Variants in STAU1 observed in about 807,000 individuals in gnomAD.
STAU1 encodes the protein staufen double-stranded RNA binding protein 1.
Under a neutral mutation model 62.9 loss-of-function variants are expected in STAU1, and 13 were observed. The observed-to-expected ratio is 0.21, with a 90% CI of 0.13 to 0.33. STAU1 has a LOEUF of 0.33. Among genes scored for constraint, STAU1 ranks in the 10% least tolerant of loss-of-function variants. The pLI, the probability that STAU1 is intolerant of heterozygous loss-of-function variation, is 1.00. For missense variants in STAU1, 571 were observed against 712.1 expected, an observed-to-expected ratio of 0.80 and a Z score of 2.25; for synonymous variants, 269 against 265.1, an observed-to-expected ratio of 1.01 and a Z score of -0.14.
intron 2 of STAU1, among the ~76,000 whole-genome samples, chr20:49,167,958 T>C (rs946914234): frequency 6.6e-6 from 1 of 152,204 alleles, no homozygotes; most frequent in Non-Finnish European, 1.5e-5. Context: ...GTGTCCTGAG[T>C]GGCTCTTAGA....
At chr20:49,169,136 G>C (rs2093565561) in intron 2 of STAU1, among the ~76,000 whole-genome samples, 1 of 151,964 alleles carries the variant, frequency 6.6e-6, no homozygotes, top group Non-Finnish European at 1.5e-5. Flanking sequence ...TTTTAGTAGA[G>C]ACAGCGTTTC....
chr20:49,125,219 A>AC, intron 6 of STAU1, among the ~76,000 whole-genome samples: 1 of 147,440 alleles, frequency 6.8e-6, no homozygotes, highest in East Asian at 1.9e-4. Context: ...AAAAAAAAAA[A>AC]AAAAACGAAG....
At chr20:49,135,079 A>G in intron 6 of STAU1, 1 of 1,105,114 alleles carries the variant, frequency 9.0e-7, no homozygotes, top group Non-Finnish European at 1.4e-6. Flanking sequence ...AGATGTACAC[A>G]ATCTTTTGCC....
intron 6 of STAU1, among the ~76,000 whole-genome samples, chr20:49,129,410 C>T (rs921102894): frequency 6.7e-6 from 1 of 150,232 alleles, no homozygotes; most frequent in Non-Finnish European, 1.5e-5. Context: ...CCCTCAGCCC[C>T]CTGAGTACCT....
At chr20:49,184,620 C>G (rs2426143) in intron 1 of STAU1, among the ~76,000 whole-genome samples, 1 of 152,158 alleles carries the variant, frequency 6.6e-6, no homozygotes, top group Non-Finnish European at 1.5e-5. Flanking sequence ...TGGCTGAAAC[C>G]TAAAAGAGAG....
At chr20:49,185,817 G>A (rs1440784732) in intron 1 of STAU1, among the ~76,000 whole-genome samples, 1 of 152,076 alleles carries the variant, frequency 6.6e-6, no homozygotes, top group Non-Finnish European at 1.5e-5. Flanking sequence ...ATGCCATTGT[G>A]ATATGGCAGT....
At chr20:49,131,045 GCT>G (rs1482065001) in intron 6 of STAU1, among the ~76,000 whole-genome samples, 2 of 152,124 alleles carry the variant, frequency 1.3e-5, no homozygotes, top group African/African-American at 4.8e-5. Context: ...ATGAAATGAT[GCT>G]CTGAGAAGGA....
chr20:49,117,606 T>C lies in STAU1; in HGVS notation c.1509+171A>G, dbSNP rs2092358705. ...GGATAAAGATATTTCTCTTACCACATATGCTTACAATACTTCTATACCTCC... is the reference window on the plus strand; with the variant it reads ...GGATAAAGATATTTCTCTTACCACACATGCTTACAATACTTCTATACCTCC... On this transcript the variant is annotated intron_variant, in intron 11 of 13. Transcript: ENST00000371856. This position sits in a 1 kb window ranked among gnomAD's most constrained non-coding sequence, Gnocchi z 4.6. Among the ~76,000 whole-genome samples, 1 of 152,220 alleles carries C rather than the reference T, an allele frequency of 6.6e-6. No individual in the cohort carries two copies.
chr20:49,141,680 A>C (rs1248364925), intron 5 of STAU1, among the ~76,000 whole-genome samples: 1 of 152,194 alleles, frequency 6.6e-6, no homozygotes, highest in African/African-American at 2.4e-5. Flanking sequence ...GGATCACTTG[A>C]GGTCAGGAGT....
At chr20:49,170,748 T>A (rs963131898) in intron 2 of STAU1, among the ~76,000 whole-genome samples, 9 of 150,088 alleles carry the variant, frequency 6.0e-5, no homozygotes, top group African/African-American at 2.2e-4. Context: ...TCAGTCTCCT[T>A]CATAATAAGT....
chr20:49,214,647 C>G, the STAU1 span, among the ~76,000 whole-genome samples: 1 of 152,138 alleles, frequency 6.6e-6, no homozygotes, highest in Non-Finnish European at 1.5e-5. Flanking sequence ...AAGCTACTCA[C>G]TTTCTGGGCT....
At chr20:49,184,728 G>A (rs989066186) in intron 1 of STAU1, among the ~76,000 whole-genome samples, 25 of 152,286 alleles carry the variant, frequency 1.6e-4, no homozygotes, top group Admixed American at 9.2e-4. Flanking sequence ...TTTTAAAAAT[G>A]TGTTGTGTCC....
At chr20:49,186,509 T>C (rs939890830) in intron 1 of STAU1, among the ~76,000 whole-genome samples, 2 of 152,002 alleles carry the variant, frequency 1.3e-5, no homozygotes, top group Non-Finnish European at 2.9e-5. Context: ...ATTTAATGCC[T>C]AAAACAATCC....
intron 5 of STAU1, among the ~76,000 whole-genome samples, chr20:49,143,936 C>A (rs924743708): frequency 6.6e-6 from 1 of 152,198 alleles, no homozygotes; most frequent in African/African-American, 2.4e-5. Flanking sequence ...CCACCTGTAG[C>A]GATGTCAGAT....
intron 8 of STAU1, among the ~76,000 whole-genome samples, chr20:49,120,802 C>CTTT (rs1398866057): frequency 6.6e-6 from 1 of 151,790 alleles, no homozygotes; most frequent in Non-Finnish European, 1.5e-5. Context: ...TTTCTTTTTT[C>CTTT]TTTTTTGGGA....
intron 5 of STAU1, among the ~76,000 whole-genome samples, chr20:49,136,714 T>C (rs1425302842): frequency 6.6e-6 from 1 of 152,144 alleles, no homozygotes; most frequent in African/African-American, 2.4e-5. Context: ...CTTTTTTTTT[T>C]TGAGATGGAG....
the STAU1 span, among the ~76,000 whole-genome samples, chr20:49,196,712 C>T: frequency 6.7e-6 from 1 of 149,816 alleles, no homozygotes; most frequent in Non-Finnish European, 1.5e-5. Flanking sequence ...CTGCAGGCTG[C>T]AGTGAACAGA....
chr20:49,119,996 T>G lies in STAU1; in HGVS notation c.1099A>C (p.Lys367Gln). 1 of 1,614,044 alleles carries G rather than the reference T, an allele frequency of 6.2e-7. No individual in the cohort carries two copies. Among genetic ancestry groups the G allele is most frequent in the Non-Finnish European group, 8.5e-7 (1 of 1,179,968 alleles). ...PQAQPTKPAL[K>Q]SEEKTPIKKP... ...ACAGCACTCACCTTCTCCTCTGACT[T>G]GAGTGCGGGTTTGGTGGGCTGCGCC... Residue 367 changes from lysine (K) to glutamine (Q), a missense_variant, in exon 9 of 14, where the codon AAG becomes CAG. Coordinates refer to ENST00000371856, the MANE Select transcript of STAU1 (RefSeq NM_017453.4).
At chr20:49,148,969 G>C (rs2093183913) in intron 5 of STAU1, among the ~76,000 whole-genome samples, 1 of 152,070 alleles carries the variant, frequency 6.6e-6, no homozygotes, top group Non-Finnish European at 1.5e-5. Flanking sequence ...ACAACAACAT[G>C]GCCAGGTATG....
Sources: allele counts gnomAD v4.1 joint callset (sites outside exome capture counted in the v4.1 genomes callset), GRCh38; gene constraint gnomAD v4.1.1; non-coding constraint Gnocchi (gnomAD v3.1); transcripts MANE v1.5; gene names NCBI Gene and HGNC (gene_info 2026-07-23, HGNC 2026-07-21).